The following CRACR2A variants were observed in gnomAD, a reference collection of about 807,000 sequenced individuals.
CRACR2A encodes the protein calcium release activated channel regulator 2A.
CRACR2A carries 79 observed loss-of-function variants against 90.5 expected under a neutral mutation model. The observed-to-expected ratio is 0.87, with a 90% CI of 0.73 to 1.05. CRACR2A has a LOEUF of 1.05. Ranked by LOEUF, CRACR2A falls within the 50% of genes least tolerant of loss-of-function variation. The probability of loss-of-function intolerance (pLI) is 0.00; values close to 1 mark genes in which losing one functional copy is unlikely to be tolerated. For synonymous variants in CRACR2A, 338 were observed against 356.7 expected (o/e 0.95, Z 0.59); for missense variants, 823 against 897.2 (o/e 0.92, Z 1.06).
At chr12:3,668,581 C>T (rs1237453112) in intron 7 of CRACR2A, among the ~76,000 whole-genome samples, 1 of 152,182 alleles carries the variant, frequency 6.6e-6, no homozygotes, top group Non-Finnish European at 1.5e-5. Flanking sequence ...ATTTGCTGCC[C>T]TATCTGGAGG....
intron 3 of CRACR2A, among the ~76,000 whole-genome samples, chr12:3,700,786 T>G (rs1013937732): frequency 5.3e-5 from 8 of 152,190 alleles, no homozygotes; most frequent in African/African-American, 1.9e-4. Context: ...TAACTTTCTC[T>G]CTCAATAATT....
At chr12:3,640,798 T>C (rs1478669979) in intron 13 of CRACR2A, 6 of 1,304,972 alleles carry the variant, frequency 4.6e-6, no homozygotes, top group African/African-American at 3.0e-5. Flanking sequence ...ACACAGCACA[T>C]GCCAAAATGA....
rs368079624 is a variant in CRACR2A at position 3,618,958 on chromosome 12, A to AGGG, written c.2034+310_2034+312dup. 3.4e-3 allele frequency among the ~76,000 whole-genome samples: 519 copies of AGGG among 152,266 alleles called. 1 individual carries two copies. Among genetic ancestry groups the AGGG allele is most frequent in the African/African-American group, 0.011 (476 of 41,556 alleles). On this transcript the variant is annotated intron_variant, in intron 18 of 19. Transcript: ENST00000440314. The stretch of plus-strand genomic sequence containing the variant: ...GTGATCAAGTGGAAATGCAGATTGG[A>AGGG]GGGGGATTGAAATAAGTAAACTATT...
intron 4 of CRACR2A, among the ~76,000 whole-genome samples, chr12:3,681,658 G>C (rs1565487817): frequency 6.6e-6 from 1 of 152,234 alleles, no homozygotes. Flanking sequence ...GTGTGGAAGT[G>C]ACTGACAGCT....
chr12:3,744,147 T>C (rs1438482309), intron 1 of CRACR2A, among the ~76,000 whole-genome samples: 1 of 152,196 alleles, frequency 6.6e-6, no homozygotes, highest in East Asian at 1.9e-4. Flanking sequence ...CGTGCACCAA[T>C]TCTCTGCCTT....
intron 1 of CRACR2A, among the ~76,000 whole-genome samples, chr12:3,745,825 T>TAAAATAAAATAAAATAAAATA (rs149739964): frequency 9.9e-5 from 10 of 100,524 alleles, no homozygotes; most frequent in African/African-American, 2.0e-4. Context: ...TAAAATAAAA[T>TAAAATAAAATAAAATAAAATA]AAAGAAAGAA....
Position 3,616,986 on chromosome 12 carries a change from G to A in CRACR2A, c.2079C>T (p.His693=), listed in dbSNP as rs1867697745. 6.4e-7 allele frequency: 1 copy of A among 1,551,554 alleles called. No individual in the cohort carries two copies. Among genetic ancestry groups the A allele is most frequent in the South Asian group, 1.2e-5 (1 of 84,070 alleles). Residue 693 remains histidine (H), a synonymous_variant, in exon 19 of 20, where the codon CAC becomes CAT. Transcript: ENST00000440314. The part of the protein sequence containing the change: ...IFYECSAYSG[H]NTKESLLHLA... ...GATGGAGCAGGGACTCTTTGGTGTT[G>A]TGACCAGAGTAGGCGCTGCATTCAT...
chr12:3,690,699 G>T (rs112904087), intron 4 of CRACR2A, among the ~76,000 whole-genome samples: 14,971 of 152,124 alleles, frequency 0.098, 827 homozygotes, highest in African/African-American at 0.13. Context: ...GCTGGGTTCA[G>T]GTCCTGAATA....
intron 1 of CRACR2A, among the ~76,000 whole-genome samples, chr12:3,752,211 A>G (rs1053905501): frequency 6.6e-6 from 1 of 152,200 alleles, no homozygotes; most frequent in Non-Finnish European, 1.5e-5. Flanking sequence ...AGAGCCAAAC[A>G]GGGCAGGTTC....
intron 6 of CRACR2A, among the ~76,000 whole-genome samples, chr12:3,678,383 G>A (rs1451391162): frequency 1.3e-5 from 2 of 152,152 alleles, no homozygotes; most frequent in East Asian, 3.9e-4. Context: ...TCCTGCACAA[G>A]CCTGGTTTGC....
chr12:3,722,787 C>T (rs1280993813), intron 2 of CRACR2A, among the ~76,000 whole-genome samples: 2 of 152,150 alleles, frequency 1.3e-5, no homozygotes, highest in Non-Finnish European at 2.9e-5. Context: ...GACCCAGACA[C>T]TTTCATGAAA....
At chr12:3,665,508 A>T (rs192852052) in intron 7 of CRACR2A, among the ~76,000 whole-genome samples, 61 of 152,360 alleles carry the variant, frequency 4.0e-4, no homozygotes, top group Admixed American at 6.5e-5. Flanking sequence ...GTGAAGATTA[A>T]AAAAGATAAT....
At chr12:3,660,046 CAT>C (rs1945001070) in intron 7 of CRACR2A, among the ~76,000 whole-genome samples, 1 of 152,224 alleles carries the variant, frequency 6.6e-6, no homozygotes, top group Non-Finnish European at 1.5e-5. Flanking sequence ...TCTCCACGCT[CAT>C]AGACTATATG....
intron 1 of CRACR2A, among the ~76,000 whole-genome samples, chr12:3,743,616 C>G (rs1565510511): frequency 6.6e-6 from 1 of 152,216 alleles, no homozygotes; most frequent in Non-Finnish European, 1.5e-5. Flanking sequence ...TTGAACCTGT[C>G]TGAGCCTCAG....
At chr12:3,675,847 C>T (rs370323737) in intron 6 of CRACR2A, among the ~76,000 whole-genome samples, 5 of 152,146 alleles carry the variant, frequency 3.3e-5, no homozygotes, top group African/African-American at 4.8e-5. Context: ...TTTGTGCTTG[C>T]GTTATTAAGC....
At chr12:3,627,283 A>G (rs1944282642) in intron 17 of CRACR2A, among the ~76,000 whole-genome samples, 153 bp downstream of exon 17, 1 of 152,238 alleles carries the variant, frequency 6.6e-6, no homozygotes, top group South Asian at 2.1e-4. Flanking sequence ...ACCCAGACGA[A>G]CAGAGGAACA....
chr12:3,745,082 G>A (rs1033783724), intron 1 of CRACR2A, among the ~76,000 whole-genome samples: 2 of 152,114 alleles, frequency 1.3e-5, no homozygotes, highest in Admixed American at 6.5e-5. Flanking sequence ...CCCTCTGTGG[G>A]ATTCTGTAGG....
chr12:3,640,658 T>G (rs1427728652), intron 13 of CRACR2A: 1 of 1,305,338 alleles, frequency 7.7e-7, no homozygotes, highest in African/African-American at 1.5e-5. Context: ...ACTGATGAGC[T>G]GATTTACATC....
intron 17 of CRACR2A, among the ~76,000 whole-genome samples, chr12:3,619,985 G>A (rs1350959774): frequency 1.3e-5 from 2 of 152,244 alleles, no homozygotes; most frequent in Non-Finnish European, 1.5e-5. Flanking sequence ...GTCACTGGGC[G>A]CTTTGGCTCT....
Sources: allele counts gnomAD v4.1 joint callset (sites outside exome capture counted in the v4.1 genomes callset), GRCh38; gene constraint gnomAD v4.1.1; transcripts MANE v1.5; gene names NCBI Gene and HGNC (gene_info 2026-07-23, HGNC 2026-07-21).